LRFN2: variants seen among roughly 807,000 people sequenced by gnomAD.
LRFN2 encodes leucine-rich repeat and fibronectin type-III domain-containing protein 2.
Under a neutral mutation model 37.3 loss-of-function variants are expected in LRFN2, and 18 were observed. The ratio of observed to expected loss-of-function variants is 0.48; its 90% CI spans 0.33 to 0.72. LRFN2 has a LOEUF of 0.72. Among genes scored for constraint, LRFN2 ranks in the 30% least tolerant of loss-of-function variants. The pLI is 0.02. For synonymous variants in LRFN2, 556 were observed against 466.6 expected (o/e 1.19, Z -2.47); for missense variants, 1,006 against 1,060.7 (o/e 0.95, Z 0.72).
chr6:40,585,836 T>A (rs1237364679), intron 1 of LRFN2, among the ~76,000 whole-genome samples: 3 of 149,470 alleles, frequency 2.0e-5, no homozygotes, highest in Non-Finnish European at 3.0e-5. Flanking sequence ...TACACATGCG[T>A]ACACACACAC....
chr6:40,409,315 A>G (rs1257607258), intron 2 of LRFN2, among the ~76,000 whole-genome samples: 1 of 152,180 alleles, frequency 6.6e-6, no homozygotes, highest in Non-Finnish European at 1.5e-5. Flanking sequence ...AAGAAGGTTT[A>G]CTGACTGTGC....
At chr6:40,458,552 C>G (rs987816896) in intron 1 of LRFN2, among the ~76,000 whole-genome samples, 1 of 152,146 alleles carries the variant, frequency 6.6e-6, no homozygotes, top group Non-Finnish European at 1.5e-5. Flanking sequence ...CTCCATTTCC[C>G]CAGCAGTGAG....
At chr6:40,519,154 C>T (rs939903652) in intron 1 of LRFN2, among the ~76,000 whole-genome samples, 2 of 152,228 alleles carry the variant, frequency 1.3e-5, no homozygotes, top group African/African-American at 4.8e-5. Flanking sequence ...GTTTTGTTCA[C>T]AGCTGTGTTT....
At chr6:40,566,074 G>T (rs994836240) in intron 1 of LRFN2, among the ~76,000 whole-genome samples, 19 of 152,152 alleles carry the variant, frequency 1.2e-4, no homozygotes, top group African/African-American at 4.6e-4. Flanking sequence ...AGTGGATGAA[G>T]GATATGAACA....
intron 1 of LRFN2, among the ~76,000 whole-genome samples, chr6:40,494,539 C>T (rs1401409579): frequency 2.6e-5 from 4 of 152,138 alleles, no homozygotes; most frequent in African/African-American, 9.7e-5. Flanking sequence ...CACTTGGCTC[C>T]CTGTCTCTCT....
intron 1 of LRFN2, among the ~76,000 whole-genome samples, chr6:40,504,691 C>T (rs1306487671): frequency 3.9e-5 from 6 of 152,182 alleles, no homozygotes; most frequent in African/African-American, 9.7e-5. Flanking sequence ...CTAGAAATCA[C>T]CTGCTCTCAC....
intron 1 of LRFN2, among the ~76,000 whole-genome samples, chr6:40,477,763 C>T (rs1407129728): frequency 6.6e-6 from 1 of 152,188 alleles, no homozygotes; most frequent in Non-Finnish European, 1.5e-5. Context: ...GTTCTCCCCT[C>T]CCTGCTCCTT....
At chr6:40,435,275 C>T (rs1184036043) in intron 1 of LRFN2, among the ~76,000 whole-genome samples, 1 of 150,662 alleles carries the variant, frequency 6.6e-6, no homozygotes, top group Non-Finnish European at 1.5e-5. Context: ...ATTCTCCCAC[C>T]TTGGCCTCCT....
chr6:40,495,951 A>G (rs1011363453), intron 1 of LRFN2, among the ~76,000 whole-genome samples: 8 of 152,106 alleles, frequency 5.3e-5, no homozygotes, highest in Non-Finnish European at 8.8e-5. Flanking sequence ...TTGGATATCT[A>G]TTGGGCACCT....
Position 40,539,577 on chromosome 6 carries a change from C to G in LRFN2, c.-19+47364G>C, listed in dbSNP as rs576789456. ...TACAGCAGACAAGAAAACAGAATCT[C>G]TACCCTCAGGAACTGTCATTCAAGT... On this transcript the variant is annotated intron_variant, in intron 1 of 2. Transcript: ENST00000338305. Among the ~76,000 whole-genome samples, 205 of 152,284 alleles carry G rather than the reference C, an allele frequency of 1.3e-3. 2 individuals carry two copies. The highest frequency in any genetic ancestry group is 1.0e-4 in the Non-Finnish European group (7 of 68,024).
chr6:40,446,439 C>T (rs1032122743), intron 1 of LRFN2, among the ~76,000 whole-genome samples: 1 of 152,224 alleles, frequency 6.6e-6, no homozygotes, highest in Admixed American at 6.5e-5. Context: ...CTACATTCCT[C>T]GTGTCTGATC....
intron 1 of LRFN2, among the ~76,000 whole-genome samples, chr6:40,585,866 C>T (rs2113803285): frequency 1.3e-5 from 2 of 152,130 alleles, no homozygotes; most frequent in East Asian, 3.9e-4. Flanking sequence ...CACACACACA[C>T]ACACACACAC....
intron 1 of LRFN2, among the ~76,000 whole-genome samples, chr6:40,534,408 C>G (rs1025774910): frequency 4.0e-5 from 6 of 151,872 alleles, no homozygotes; most frequent in Non-Finnish European, 5.9e-5. Context: ...GACCCCCCCA[C>G]TCCCCCCAAC....
chr6:40,477,837 G>A (rs115986350), intron 1 of LRFN2, among the ~76,000 whole-genome samples: 2,503 of 152,176 alleles, frequency 0.016, 65 homozygotes, highest in African/African-American at 0.057. Flanking sequence ...TGAGTCATCC[G>A]TGCCCCTCTT....
rs533238949 is a variant in LRFN2 at position 40,517,017 on chromosome 6, G to C, written c.-19+69924C>G. Among the ~76,000 whole-genome samples, 6 of 152,252 alleles carry C rather than the reference G, an allele frequency of 3.9e-5. No homozygotes were observed. The South Asian group carries it at 1.2e-3, about 32-fold the overall frequency. On this transcript the variant is annotated intron_variant, in intron 1 of 2. Transcript: ENST00000338305. ...GCTGAATGAAGCAGAAACAGTCCCT[G>C]CCTGCATAGGGCTTACTTTCCCATT...
intron 1 of LRFN2, among the ~76,000 whole-genome samples, chr6:40,558,143 T>C (rs946700398): frequency 6.6e-6 from 1 of 152,106 alleles, no homozygotes; most frequent in Non-Finnish European, 1.5e-5. Flanking sequence ...CTTCTGGGAA[T>C]GAGTAAGCTG....
At chr6:40,423,840 GC>G (rs1315179554) in intron 2 of LRFN2, among the ~76,000 whole-genome samples, 4 of 152,130 alleles carry the variant, frequency 2.6e-5, no homozygotes, top group South Asian at 2.1e-4. Context: ...ACAATTTTGT[GC>G]TTTTAAGTGA....
At chr6:40,499,443 G>GA (rs1371870538) in intron 1 of LRFN2, among the ~76,000 whole-genome samples, 1 of 152,148 alleles carries the variant, frequency 6.6e-6, no homozygotes, top group Non-Finnish European at 1.5e-5. Context: ...GCTTTGGGCG[G>GA]AAAGCTGACT....
intron 1 of LRFN2, among the ~76,000 whole-genome samples, chr6:40,520,425 G>C (rs1428443204): frequency 6.6e-6 from 1 of 152,042 alleles, no homozygotes. Flanking sequence ...GGTCATTTCT[G>C]GGGCTGGAGC....
Sources: allele counts gnomAD v4.1 joint callset (sites outside exome capture counted in the v4.1 genomes callset), GRCh38; gene constraint gnomAD v4.1.1; transcripts MANE v1.5; gene names NCBI Gene and HGNC (gene_info 2026-07-23, HGNC 2026-07-21).